TNNI3K: variants seen among roughly 807,000 people sequenced by gnomAD.
The protein encoded by TNNI3K is TNNI3 interacting kinase, also known as serine/threonine-protein kinase TNNI3K.
A neutral mutation model predicts 114.5 loss-of-function variants in TNNI3K; 140 were observed. The ratio of observed to expected loss-of-function variants is 1.22; its 90% CI spans 1.07 to 1.41. The LOEUF (loss-of-function observed/expected upper bound fraction) is 1.41, where lower values mean the gene tolerates loss of function less well. Among genes scored for constraint, TNNI3K ranks in the 40% most tolerant of loss-of-function variants. The probability of loss-of-function intolerance (pLI) is 0.00; values close to 1 mark genes in which losing one functional copy is unlikely to be tolerated. For missense variants in TNNI3K, 1,125 were observed against 1,007.6 expected (o/e 1.12, Z -1.58); for synonymous variants, 347 against 347.5 (o/e 1.00, Z 0.02).
At chr1:74,274,296 G>A (rs1656535798) in intron 5 of TNNI3K, among the ~76,000 whole-genome samples, 1 of 151,978 alleles carries the variant, frequency 6.6e-6, no homozygotes, top group South Asian at 2.1e-4. Context: ...AAAGGAGGAG[G>A]AGGAAGAGGA....
At chr1:74,540,126 C>A in intron 23 of TNNI3K, 108 bp from the exon 24 acceptor site, 2 of 1,173,766 alleles carry the variant, frequency 1.7e-6, no homozygotes, top group Non-Finnish European at 2.4e-6. Context: ...TGCTTTGTAT[C>A]ACTTTGCCAT....
intron 5 of TNNI3K, among the ~76,000 whole-genome samples, chr1:74,297,417 T>C (rs1658053980): frequency 6.6e-6 from 1 of 151,952 alleles, no homozygotes; most frequent in African/African-American, 2.4e-5. Flanking sequence ...TAAGAAGAGG[T>C]AAGAGAGAGC....
At chr1:74,299,239 C>G (rs1165442407) in intron 5 of TNNI3K, among the ~76,000 whole-genome samples, 1 of 152,090 alleles carries the variant, frequency 6.6e-6, no homozygotes, top group Non-Finnish European at 1.5e-5. Flanking sequence ...ATGTGTTTAA[C>G]TGCTTATGGT....
At chr1:74,503,786 G>A (rs748895414) in intron 23 of TNNI3K, among the ~76,000 whole-genome samples, 10 of 152,128 alleles carry the variant, frequency 6.6e-5, no homozygotes, top group Admixed American at 2.6e-4. Context: ...TTCTTGAAAT[G>A]CCCATAGGTT....
chr1:74,420,929 G>T (rs1252858210), intron 17 of TNNI3K, among the ~76,000 whole-genome samples: 1 of 152,064 alleles, frequency 6.6e-6, no homozygotes, highest in African/African-American at 2.4e-5. Context: ...TATGCTAGAG[G>T]TTGCAATTTT....
intron 5 of TNNI3K, among the ~76,000 whole-genome samples, chr1:74,297,336 T>TG (rs1236432998): frequency 3.3e-5 from 5 of 152,146 alleles, no homozygotes; most frequent in Admixed American, 3.3e-4. Flanking sequence ...GAATCCCCCT[T>TG]GGGATCATAT....
At chr1:74,515,160 C>G (rs1025365076) in intron 23 of TNNI3K, among the ~76,000 whole-genome samples, 1 of 152,110 alleles carries the variant, frequency 6.6e-6, no homozygotes, top group African/African-American at 2.4e-5. Context: ...TGAAAGAATA[C>G]ATTTCTGTTG....
chr1:74,395,063 A>G (rs1664008432), intron 17 of TNNI3K, among the ~76,000 whole-genome samples: 1 of 151,720 alleles, frequency 6.6e-6, no homozygotes, highest in Non-Finnish European at 1.5e-5. Context: ...AAAAAGAGAA[A>G]ACACTTAAAG....
At chr1:74,536,601 A>G (rs1231063339) in intron 23 of TNNI3K, among the ~76,000 whole-genome samples, 3 of 152,148 alleles carry the variant, frequency 2.0e-5, no homozygotes, top group Non-Finnish European at 2.9e-5. Flanking sequence ...ACATGGTAGT[A>G]TGCAAAAACT....
At chr1:74,292,326 A>G (rs1287838645) in intron 5 of TNNI3K, among the ~76,000 whole-genome samples, 1 of 151,374 alleles carries the variant, frequency 6.6e-6, no homozygotes, top group East Asian at 1.9e-4. Flanking sequence ...TAGCTTATTA[A>G]TATTTAGCCT....
At chr1:74,408,911 A>G (rs1237042489) in intron 17 of TNNI3K, among the ~76,000 whole-genome samples, 1 of 152,090 alleles carries the variant, frequency 6.6e-6, no homozygotes, top group African/African-American at 2.4e-5. Context: ...ATATGCCTTA[A>G]TTAGAAAAAG....
At chr1:74,320,914 G>A (rs45532439) in intron 5 of TNNI3K, among the ~76,000 whole-genome samples, 1 of 152,252 alleles carries the variant, frequency 6.6e-6, no homozygotes, top group African/African-American at 2.4e-5. Flanking sequence ...GAAAAAAACT[G>A]TTGTCAGATG....
intron 17 of TNNI3K, chr1:74,375,513 G>C (rs1392179045): frequency 2.2e-6 from 1 of 450,836 alleles, no homozygotes. Context: ...ATTGCTTCTG[G>C]GGATAAATCA....
At chr1:74,533,304 T>C (rs1234370037) in intron 23 of TNNI3K, among the ~76,000 whole-genome samples, 1 of 152,024 alleles carries the variant, frequency 6.6e-6, no homozygotes, top group Non-Finnish European at 1.5e-5. Context: ...AAAAAACACA[T>C]GAAAAAATGC....
At chr1:74,454,766 A>G (rs1180671396) in intron 20 of TNNI3K, among the ~76,000 whole-genome samples, 1 of 152,098 alleles carries the variant, frequency 6.6e-6, no homozygotes, top group Admixed American at 6.6e-5. Flanking sequence ...ATGGTAGTAC[A>G]ATTGTTAGTT....
Position 74,456,067 on chromosome 1 carries a change from C to T in TNNI3K, c.2012-7374C>T, listed in dbSNP as rs190975679. Among the ~76,000 whole-genome samples, 1,000 of 152,274 alleles carry T rather than the reference C, an allele frequency of 6.6e-3. 10 individuals carry two copies. The highest frequency in any genetic ancestry group is 9.9e-3 in the Non-Finnish European group (674 of 68,010). On this transcript the variant is annotated intron_variant, in intron 20 of 24. Transcript: ENST00000326637. ...TTATTTTAGAATGCTTCTCTTGTAA[C>T]AAAGCAAAGGCTGGACTGGAGAAAT...
At chr1:74,299,334 T>C (rs2100315888) in intron 5 of TNNI3K, among the ~76,000 whole-genome samples, 1 of 152,276 alleles carries the variant, frequency 6.6e-6, no homozygotes, top group South Asian at 2.1e-4. Context: ...TGTAATCCTG[T>C]TTATCTTGCT....
At chr1:74,338,656 A>C (rs1186254081) in intron 7 of TNNI3K, among the ~76,000 whole-genome samples, 1 of 152,122 alleles carries the variant, frequency 6.6e-6, no homozygotes, top group Non-Finnish European at 1.5e-5. Flanking sequence ...TTAGTTAATA[A>C]AGCTAATCAA....
intron 20 of TNNI3K, among the ~76,000 whole-genome samples, chr1:74,457,081 G>A (rs533587395): frequency 1.7e-3 from 260 of 152,132 alleles, no homozygotes; most frequent in Middle Eastern, 3.4e-3. Context: ...CTGATGATGT[G>A]GACTGTTCTT....
Sources: allele counts gnomAD v4.1 joint callset (sites outside exome capture counted in the v4.1 genomes callset), GRCh38; gene constraint gnomAD v4.1.1; transcripts MANE v1.5; gene names NCBI Gene and HGNC (gene_info 2026-07-23, HGNC 2026-07-21).